The following NKAIN2 variants were observed in gnomAD, a reference collection of about 807,000 sequenced individuals.
The protein encoded by NKAIN2 is sodium/potassium-transporting ATPase subunit beta-1-interacting protein 2.
A neutral mutation model predicts 32.6 loss-of-function variants in NKAIN2; 14 were observed. The ratio of observed to expected loss-of-function variants is 0.43; its 90% CI spans 0.28 to 0.67. The LOEUF is 0.67. Ranked by LOEUF, NKAIN2 falls within the 30% of genes least tolerant of loss-of-function variation. The pLI is 0.17. For synonymous variants in NKAIN2, 80 were observed against 87.2 expected, an observed-to-expected ratio of 0.92 and a Z score of 0.46; for missense variants, 198 against 258.3, an observed-to-expected ratio of 0.77 and a Z score of 1.60.
At chr6:124,529,916 G>A (rs567871319) in intron 3 of NKAIN2, among the ~76,000 whole-genome samples, 1 of 152,312 alleles carries the variant, frequency 6.6e-6, no homozygotes, top group South Asian at 2.1e-4. Flanking sequence ...TAATCCAAAT[G>A]TGATGGACAT....
chr6:124,562,720 A>G (rs926584975), intron 3 of NKAIN2, among the ~76,000 whole-genome samples: 4 of 152,146 alleles, frequency 2.6e-5, no homozygotes, highest in Non-Finnish European at 5.9e-5. Context: ...CCATGGAAGG[A>G]GTGCCATTTG....
chr6:124,453,322 AACACACACACAC>A lies in NKAIN2; in HGVS notation c.273+98011_273+98022del, dbSNP rs766482280. Among the ~76,000 whole-genome samples, 30 of 63,934 alleles carry A rather than the reference AACACACACACAC, an allele frequency of 4.7e-4. No individual in the cohort carries two copies. The South Asian group carries it at 4.9e-3, about 10-fold the overall frequency. The allele number at this position is 63,934 out of a possible 152,430, so 41.9% of individuals were successfully genotyped here. ...TTTCTCCCCCTCATACATGCATATA[AACACACACACAC>A]ACACACACACACACACACACACACA... On this transcript the variant is annotated intron_variant, in intron 3 of 6. Transcript: ENST00000368417.
At chr6:124,580,237 T>C (rs1052452757) in intron 3 of NKAIN2, among the ~76,000 whole-genome samples, 2 of 152,138 alleles carry the variant, frequency 1.3e-5, no homozygotes, top group East Asian at 3.9e-4. Flanking sequence ...TACCCATATC[T>C]TGAGTAGAAA....
intron 1 of NKAIN2, among the ~76,000 whole-genome samples, chr6:124,193,559 C>G (rs528481014): frequency 3.3e-5 from 5 of 152,262 alleles, no homozygotes; most frequent in South Asian, 4.1e-4. Context: ...ATGTCTGGCT[C>G]CCAGAAGGGC....
At chr6:123,949,910 A>G (rs1362564165) in intron 1 of NKAIN2, among the ~76,000 whole-genome samples, 2 of 152,016 alleles carry the variant, frequency 1.3e-5, no homozygotes, top group Non-Finnish European at 2.9e-5. Context: ...GCTTTTCCAC[A>G]TTCAATATGT....
At chr6:123,838,412 C>G (rs1774720528) in intron 1 of NKAIN2, among the ~76,000 whole-genome samples, 1 of 152,072 alleles carries the variant, frequency 6.6e-6, no homozygotes, top group Non-Finnish European at 1.5e-5. Flanking sequence ...CCTTGTCTCT[C>G]CATTGCTGAT....
intron 1 of NKAIN2, among the ~76,000 whole-genome samples, chr6:123,932,541 T>C (rs968669270): frequency 4.0e-5 from 6 of 151,450 alleles, no homozygotes; most frequent in South Asian, 2.1e-4. Flanking sequence ...CTCAGCCTCC[T>C]GAGTAGCTGG....
chr6:124,545,031 C>A (rs1047912783), intron 3 of NKAIN2, among the ~76,000 whole-genome samples: 5 of 152,206 alleles, frequency 3.3e-5, no homozygotes, highest in African/African-American at 2.4e-5. Flanking sequence ...CTGGGCGATG[C>A]CTTAAAACTC....
chr6:124,783,126 G>C (rs977339480), intron 4 of NKAIN2, among the ~76,000 whole-genome samples: 1 of 152,126 alleles, frequency 6.6e-6, no homozygotes, highest in African/African-American at 2.4e-5. Flanking sequence ...TAAACCCTGA[G>C]AGAGGTATTA....
intron 2 of NKAIN2, among the ~76,000 whole-genome samples, chr6:124,295,854 C>T (rs2114960859): frequency 6.6e-6 from 1 of 152,134 alleles, no homozygotes; most frequent in African/African-American, 2.4e-5. Context: ...ATCTGAACTC[C>T]CCTTTACTCT....
chr6:124,140,202 T>C (rs939037763), intron 1 of NKAIN2, among the ~76,000 whole-genome samples: 27 of 152,214 alleles, frequency 1.8e-4, no homozygotes, highest in African/African-American at 6.0e-4. Flanking sequence ...TCCTTTTGCA[T>C]AATATAAAAT....
chr6:124,300,065 T>TGA (rs1312036392), intron 2 of NKAIN2, among the ~76,000 whole-genome samples: 1 of 152,108 alleles, frequency 6.6e-6, no homozygotes, highest in African/African-American at 2.4e-5. Flanking sequence ...GCAGGATGGT[T>TGA]GAGAGAGAGA....
chr6:124,397,265 A>G (rs1404714119), intron 3 of NKAIN2, among the ~76,000 whole-genome samples: 1 of 152,072 alleles, frequency 6.6e-6, no homozygotes, highest in African/African-American at 2.4e-5. Flanking sequence ...TTTAAATAAT[A>G]TAAATAAATG....
chr6:124,678,106 G>C (rs1773449139), intron 4 of NKAIN2, among the ~76,000 whole-genome samples: 1 of 152,038 alleles, frequency 6.6e-6, no homozygotes, highest in Admixed American at 6.5e-5. Context: ...TACCTTGTAT[G>C]TGATGTCTCT....
intron 1 of NKAIN2, among the ~76,000 whole-genome samples, chr6:123,847,273 A>T (rs890561621): frequency 6.6e-6 from 1 of 152,246 alleles, no homozygotes; most frequent in Admixed American, 6.5e-5. Flanking sequence ...AGGTGGTGGA[A>T]AGGGATTAGA....
chr6:124,514,363 C>G lies in NKAIN2; in HGVS notation c.274-143823C>G, dbSNP rs552927101. Reference sequence around the variant, plus strand: ...TTTCCCGCTGGGCTATCCCAGCAAGCCTGATGAGATCTATCCCCAAATCCC... The same window carrying G: ...TTTCCCGCTGGGCTATCCCAGCAAGGCTGATGAGATCTATCCCCAAATCCC... On this transcript the variant is annotated intron_variant, in intron 3 of 6. Transcript: ENST00000368417. 2.6e-5 allele frequency among the ~76,000 whole-genome samples: 4 copies of G among 152,238 alleles called. No homozygotes were observed. The South Asian group carries it at 8.3e-4, about 32-fold the overall frequency.
At chr6:124,469,003 T>G (rs1005453965) in intron 3 of NKAIN2, among the ~76,000 whole-genome samples, 2 of 152,324 alleles carry the variant, frequency 1.3e-5, no homozygotes, top group Non-Finnish European at 2.9e-5. Flanking sequence ...TCTAATCTAC[T>G]TATATCAATT....
At chr6:123,831,987 T>C (rs1774406044) in intron 1 of NKAIN2, among the ~76,000 whole-genome samples, 2 of 152,198 alleles carry the variant, frequency 1.3e-5, no homozygotes, top group Non-Finnish European at 2.9e-5. Flanking sequence ...CACATTGTAA[T>C]CCCTGAATCC....
chr6:124,131,578 A>G (rs748862954), intron 1 of NKAIN2, among the ~76,000 whole-genome samples: 10 of 152,172 alleles, frequency 6.6e-5, no homozygotes, highest in Non-Finnish European at 1.3e-4. Context: ...GAAGGGAAAA[A>G]CCTGCCTCCA....
Sources: gnomAD v4.1 joint callset for allele counts (sites outside exome capture counted in the v4.1 genomes callset) on GRCh38, gnomAD v4.1.1 for gene constraint, MANE v1.5 for transcripts, NCBI Gene and HGNC (gene_info 2026-07-23, HGNC 2026-07-21) for gene names.